Variants in PLAA observed in about 807,000 individuals in gnomAD.
PLAA encodes the protein phospholipase A2 activating protein.
Under a neutral mutation model 84.1 loss-of-function variants are expected in PLAA, and 48 were observed. That is an observed-to-expected ratio of 0.57 (90% CI 0.45 to 0.73). PLAA has a LOEUF of 0.73. PLAA is among the 30% of genes least tolerant of loss of function. The pLI, the probability that PLAA is intolerant of heterozygous loss-of-function variation, is 0.00. For synonymous variants in PLAA, 392 were observed against 336.6 expected, an observed-to-expected ratio of 1.16 and a Z score of -1.80; for missense variants, 903 against 954.7, an observed-to-expected ratio of 0.95 and a Z score of 0.71.
intron 2 of PLAA, among the ~76,000 whole-genome samples, chr9:26,932,840 T>C (rs1789822324): frequency 6.6e-6 from 1 of 152,192 alleles, no homozygotes; most frequent in Admixed American, 6.5e-5. Context: ...TTTAAAAAAT[T>C]CTTTCTGTTT....
In PLAA at chr9:26,935,040, A is replaced by G. The variant is rs1447855379; in HGVS notation, c.316T>C (p.Tyr106His). Residue 106 changes from tyrosine (Y) to histidine (H), a missense_variant, in exon 2 of 14, where the codon TAT (tyrosine) becomes CAT (histidine). By Grantham distance (83) the Tyr-to-His change is moderately conservative. Transcript: ENST00000397292. ...IFSLDSPMPL[Y>H]ILKGHKNTVC... ...GTATTTTTGTGGCCTTTTAGAATAT[A>G]AAGTGGCATTGGACTGTCCAGTGAG... 4 of 1,600,676 alleles carry G rather than the reference A, an allele frequency of 2.5e-6. No homozygotes were observed. Among genetic ancestry groups the G allele is most frequent in the Middle Eastern group, 1.7e-4 (1 of 6,026 alleles).
chr9:26,945,191 G>A (rs1018578065), intron 1 of PLAA, among the ~76,000 whole-genome samples: 1 of 152,078 alleles, frequency 6.6e-6, no homozygotes, highest in Non-Finnish European at 1.5e-5. Context: ...AATCAGTTCA[G>A]CCCAAAGTTC....
In PLAA at chr9:26,905,802, G is replaced by A. The variant is rs1824214065; in HGVS notation, c.2097C>T (p.His699=). 1 of 1,614,036 alleles carries A rather than the reference G, an allele frequency of 6.2e-7. No individual in the cohort carries two copies. The highest frequency in any genetic ancestry group is 1.3e-5 in the African/African-American group (1 of 74,942). The change falls in exon 14 of 14, where the codon CAC becomes CAT. Residue 699 remains histidine, a synonymous_variant. Transcript: ENST00000397292. ...ELKSGSNKNI[H]IALATLALNY... ...TCAGGGCCAATGTAGCCAGAGCAAT[G>A]TGAATGTTCTTATTGCTCCCTGATT... is the stretch of plus-strand genomic sequence containing the variant.
At chr9:26,924,001 G>A (rs890475320) in intron 6 of PLAA, among the ~76,000 whole-genome samples, 1 of 152,042 alleles carries the variant, frequency 6.6e-6, no homozygotes, top group Non-Finnish European at 1.5e-5. Context: ...TACATCACTC[G>A]TTCTATTGGT....
chr9:26,915,182 A>T (rs1012198715), intron 10 of PLAA, among the ~76,000 whole-genome samples: 1 of 151,732 alleles, frequency 6.6e-6, no homozygotes, highest in African/African-American at 2.4e-5. Flanking sequence ...ATTGCACTCC[A>T]GCCTGGGCAA....
chr9:26,936,502 T>C (rs1216864410), intron 1 of PLAA, among the ~76,000 whole-genome samples: 1 of 152,214 alleles, frequency 6.6e-6, no homozygotes, highest in African/African-American at 2.4e-5. Flanking sequence ...TTTGCAGTCA[T>C]TTGAAAGCTT....
At chr9:26,938,324 G>A (rs756359312) in intron 1 of PLAA, among the ~76,000 whole-genome samples, 43 of 152,038 alleles carry the variant, frequency 2.8e-4, no homozygotes, top group Admixed American at 2.1e-3. Flanking sequence ...AGAGTGCTGC[G>A]ACCACACTCA....
At chr9:26,906,126 T>C in intron 13 of PLAA, 50 bp from the exon 14 acceptor site, 1 of 1,222,190 alleles carries the variant, frequency 8.2e-7, no homozygotes, top group South Asian at 2.3e-5. Context: ...AGAAAATTTC[T>C]TTTGACTATC....
In PLAA at chr9:26,925,872, T is replaced by C. The variant is rs1287826390; in HGVS notation, c.822A>G (p.Ile274Met). ...AQTIRLPAQS[I>M]WCCCVLDNGD... ...CATTGTCGAGCACACAGCAGCACCATATAGACTGAGCTGGAAGTCGGATAG... is the reference window on the plus strand; with the variant it reads ...CATTGTCGAGCACACAGCAGCACCACATAGACTGAGCTGGAAGTCGGATAG... Residue 274 changes from isoleucine to methionine, a missense_variant, in exon 6 of 14, where the codon ATA (isoleucine) becomes ATG (methionine). Ile to Met is a conservative substitution (Grantham distance 10). Coordinates refer to ENST00000397292, the MANE Select transcript of PLAA (RefSeq NM_001031689.3). 15 of 1,613,912 alleles carry C rather than the reference T, an allele frequency of 9.3e-6. No homozygotes were observed. The highest frequency in any genetic ancestry group is 1.3e-5 in the Non-Finnish European group (15 of 1,179,850).
At chr9:26,940,736 G>A (rs1257297987) in intron 1 of PLAA, among the ~76,000 whole-genome samples, 1 of 152,158 alleles carries the variant, frequency 6.6e-6, no homozygotes. Flanking sequence ...AAAGAGGCAG[G>A]AACTAAGATA....
In PLAA at chr9:26,905,431, T is replaced by A; in HGVS notation, c.*80A>T. 12 of 1,069,806 alleles carry A rather than the reference T, an allele frequency of 1.1e-5. No individual in the cohort carries two copies. The highest frequency in any genetic ancestry group is 1.6e-5 in the African/African-American group (1 of 62,770). 66.3% of individuals were successfully genotyped at this position (1,069,806 alleles called of 1,614,324 possible). On this transcript the variant is annotated 3_prime_UTR_variant, in exon 14 of 14. Transcript: ENST00000397292. ...CTTAATCCACCGTATTCTCTTTTTT[T>A]AATTATCTGTTATCAGTCATGTCAA... is the stretch of plus-strand genomic sequence containing the variant.
At position 26,935,122 on chromosome 9, in the gene PLAA, G is replaced by A; in HGVS notation, c.234C>T (p.Asp78=). The A allele has an allele frequency of 6.2e-7, 1 of 1,610,432 alleles. No homozygotes were observed. Among genetic ancestry groups the A allele is most frequent in the South Asian group, 1.1e-5 (1 of 90,342 alleles). The change falls in exon 2 of 14, where the codon GAC becomes GAT. Residue 78 remains aspartate, a synonymous_variant. Transcript: ENST00000397292. The part of the protein sequence containing the change: ...VSCVCIIPSS[D]IYPHGLIATG... Reference sequence around the variant, plus strand: ...TGGCAATTAGGCCATGAGGGTAGATGTCACTTGAGGGTATGATGCATACAC... The same window carrying A: ...TGGCAATTAGGCCATGAGGGTAGATATCACTTGAGGGTATGATGCATACAC...
At chr9:26,944,135 G>C (rs1290833042) in intron 1 of PLAA, among the ~76,000 whole-genome samples, 1 of 152,166 alleles carries the variant, frequency 6.6e-6, no homozygotes, top group Admixed American at 6.5e-5. Flanking sequence ...CTGGGTTAGA[G>C]AGTGGCTTTG....
intron 9 of PLAA, among the ~76,000 whole-genome samples, chr9:26,918,102 A>AT (rs533380517): frequency 2.0e-5 from 3 of 151,764 alleles, no homozygotes; most frequent in African/African-American, 4.8e-5. Context: ...TACTTTGATA[A>AT]TTTTTTTTAA....
intron 12 of PLAA, among the ~76,000 whole-genome samples, chr9:26,908,944 T>C (rs1171201849): frequency 6.6e-6 from 1 of 152,246 alleles, no homozygotes; most frequent in Non-Finnish European, 1.5e-5. Context: ...TGATAACATT[T>C]AATTTATGAC....
rs183609067 is a variant in PLAA at position 26,907,910 on chromosome 9, T to C, written c.1746A>G (p.Leu582=). 366 of 1,611,566 alleles carry C rather than the reference T, an allele frequency of 2.3e-4. 2 individuals are homozygous for C. The East Asian group carries it at 6.5e-3, about 29-fold the overall frequency. The change falls in exon 13 of 14, where the codon CTA becomes CTG. Residue 582 remains leucine (L), a synonymous_variant. Transcript: ENST00000397292. ...DLILLEKILS[L]ICNSSSEKPT... ...GTTTTTCTGAAGAACTATTACATAT[T>C]AGAGACAGTATCTTCTCAAGAAGTA...
At chr9:26,930,441 C>T (rs1315238479) in intron 2 of PLAA, among the ~76,000 whole-genome samples, 2 of 152,020 alleles carry the variant, frequency 1.3e-5, no homozygotes, top group African/African-American at 4.8e-5. Flanking sequence ...TTTGACTGCT[C>T]CAACAACTAC....
chr9:26,943,435 T>C (rs540115281), intron 1 of PLAA, among the ~76,000 whole-genome samples: 46 of 152,234 alleles, frequency 3.0e-4, no homozygotes, highest in African/African-American at 1.1e-3. Flanking sequence ...ACAACATACA[T>C]GGAAAGCAGT....
chr9:26,910,365 C>A lies in PLAA; in HGVS notation c.1630G>T (p.Asp544Tyr). 6.2e-7 allele frequency: 1 copy of A among 1,612,868 alleles called. No individual in the cohort carries two copies. The highest frequency in any genetic ancestry group is 1.1e-5 in the South Asian group (1 of 91,004). The change falls in exon 12 of 14, where the codon GAC becomes TAC. Residue 544 changes from aspartate to tyrosine, a missense_variant. By Grantham distance (160) the Asp-to-Tyr change is radical. Coordinates refer to ENST00000397292, the MANE Select transcript of PLAA (RefSeq NM_001031689.3). ...AATATTTGTGTAGGGTTTGCTTGGT[C>A]AAATGTGACAGCCTCTTTTTTAGGG... ...YFPKKEAVTF[D>Y]QANPTQILGK...
Sources: allele counts gnomAD v4.1 joint callset (sites outside exome capture counted in the v4.1 genomes callset), GRCh38; gene constraint gnomAD v4.1.1; transcripts MANE v1.5; gene names NCBI Gene and HGNC (gene_info 2026-07-23, HGNC 2026-07-21).